TMCO5A: variants seen among roughly 807,000 people sequenced by gnomAD.
TMCO5A encodes transmembrane and coiled-coil domains 5A, also known as transmembrane and coiled-coil domain-containing protein 5A.
TMCO5A carries 34 observed loss-of-function variants against 42.3 expected under a neutral mutation model. That is an observed-to-expected ratio of 0.80 (90% CI 0.61 to 1.07). The LOEUF is 1.07. Among genes scored for constraint, TMCO5A ranks in the 50% least tolerant of loss-of-function variants. TMCO5A has a pLI of 0.00. For missense variants in TMCO5A, 357 were observed against 327.9 expected, an observed-to-expected ratio of 1.09 and a Z score of -0.69; for synonymous variants, 131 against 115.6, an observed-to-expected ratio of 1.13 and a Z score of -0.86.
At chr15:37,937,449 A>C (rs1431603159) in intron 5 of TMCO5A, 53 bp downstream of exon 5, 1 of 1,593,902 alleles carries the variant, frequency 6.3e-7, no homozygotes, top group Non-Finnish European at 8.6e-7. Context: ...CCCATTCATC[A>C]AAGGGGCAAG....
chr15:38,028,487 C>G, the TMCO5A span, among the ~76,000 whole-genome samples: 13 of 152,280 alleles, frequency 8.5e-5, no homozygotes, highest in African/African-American at 3.1e-4. Context: ...GTGACTGTCA[C>G]AGTTGGTGCT....
rs1236481357 is a variant in TMCO5A at position 37,947,802 on chromosome 15, G to GCACACATA, written c.668+113_668+120dup. 3 of 697,484 alleles carry GCACACATA rather than the reference G, an allele frequency of 4.3e-6. No homozygotes were observed. In the East Asian group the frequency reaches 7.8e-5, roughly 18 times the overall value. The allele number at this position is 697,484 out of a possible 1,614,324, so 43.2% of individuals were successfully genotyped here. On this transcript the variant is annotated intron_variant, in intron 11 of 11. Transcript: ENST00000319669. ...CAAGGAGAGCCTTGTATATGCGTGT[G>GCACACATA]CACACATACACACACACACACAAGT...
the TMCO5A span, chr15:38,020,310 C>T: frequency 6.6e-6 from 1 of 151,986 alleles, no homozygotes. Flanking sequence ...AAGGGAAAAA[C>T]TGTGAGGTAA....
the TMCO5A span, among the ~76,000 whole-genome samples, chr15:37,987,516 AT>A: frequency 6.6e-6 from 1 of 151,960 alleles, no homozygotes; most frequent in African/African-American, 2.4e-5. Context: ...TAGGCTTTTG[AT>A]CCATTTTGAG....
the TMCO5A span, among the ~76,000 whole-genome samples, chr15:38,039,105 G>GA: frequency 2.7e-4 from 41 of 152,180 alleles, 1 homozygote; most frequent in South Asian, 6.2e-3. Context: ...GAGGCAGGTG[G>GA]AAAAAATGCA....
the TMCO5A span, among the ~76,000 whole-genome samples, chr15:38,017,297 G>C: frequency 6.6e-6 from 1 of 152,078 alleles, no homozygotes; most frequent in Admixed American, 6.6e-5. Context: ...ATGGAGGAGT[G>C]CATAGTTTGG....
Position 37,942,171 on chromosome 15 carries a change from T to A in TMCO5A, c.505-20T>A, listed in dbSNP as rs74007017. On this transcript the variant is annotated intron_variant, in intron 8 of 11. Coordinates refer to ENST00000319669, the MANE Select transcript of TMCO5A (RefSeq NM_152453.4). Reference sequence around the variant, plus strand: ...AACCTTCTAAGTAGTAACTGTGGCTTTCTTTGTTTCTCTTTGAAGAAGTAC... The same window carrying A: ...AACCTTCTAAGTAGTAACTGTGGCTATCTTTGTTTCTCTTTGAAGAAGTAC... 13 of 1,610,506 alleles carry A rather than the reference T, an allele frequency of 8.1e-6. No individual in the cohort carries two copies. In the African/African-American group the frequency reaches 1.7e-4, roughly 22 times the overall value.
exon 12 of TMCO5A, chr15:37,966,740 A>G (rs1278465708): frequency 2.8e-6 from 2 of 702,230 alleles, no homozygotes; most frequent in Non-Finnish European, 5.2e-6. Context: ...AGTAAAGTCC[A>G]GAAAAGGTCA....
chr15:38,015,483 A>G, the TMCO5A span, among the ~76,000 whole-genome samples: 7 of 152,198 alleles, frequency 4.6e-5, no homozygotes, highest in African/African-American at 1.7e-4. Flanking sequence ...ATTCTGGAAT[A>G]TGCTTTGGCA....
chr15:38,002,927 TC>T, the TMCO5A span, among the ~76,000 whole-genome samples: 2 of 152,140 alleles, frequency 1.3e-5, no homozygotes, highest in African/African-American at 4.8e-5. Context: ...TTTGTGGGTG[TC>T]TGGATGTTGA....
chr15:37,992,144 A>G, the TMCO5A span, among the ~76,000 whole-genome samples: 1 of 152,180 alleles, frequency 6.6e-6, no homozygotes, highest in Non-Finnish European at 1.5e-5. Context: ...GAACTTAGAC[A>G]AATTTACAAG....
downstream of TMCO5A, among the ~76,000 whole-genome samples, chr15:37,968,666 T>C (rs1890614170): frequency 6.6e-6 from 1 of 151,530 alleles, no homozygotes; most frequent in Non-Finnish European, 1.5e-5. Context: ...CACTGCAACT[T>C]CCACCGCCCA....
intron 10 of TMCO5A, among the ~76,000 whole-genome samples, chr15:37,945,481 T>C (rs1889913449): frequency 6.6e-6 from 1 of 152,116 alleles, no homozygotes; most frequent in African/African-American, 2.4e-5. Flanking sequence ...AACGAATTTA[T>C]ACTCCCAGCA....
At chr15:37,993,974 G>A in the TMCO5A span, among the ~76,000 whole-genome samples, 1 of 152,224 alleles carries the variant, frequency 6.6e-6, no homozygotes, top group African/African-American at 2.4e-5. Flanking sequence ...TGCAGTTGTT[G>A]TCTAGGTAGG....
intron 6 of TMCO5A, among the ~76,000 whole-genome samples, chr15:37,939,322 T>C (rs1194976588): frequency 6.6e-6 from 1 of 152,110 alleles, no homozygotes; most frequent in Non-Finnish European, 1.5e-5. Flanking sequence ...AAATAGGAAG[T>C]CTAAAGCCAC....
intron 11 of TMCO5A, 32 bp from the exon 12 acceptor site, chr15:37,951,004 T>C: frequency 1.9e-6 from 3 of 1,591,396 alleles, no homozygotes; most frequent in Non-Finnish European, 2.6e-6. Context: ...TCTAAGCTTC[T>C]GGTTAACAGT....
downstream of TMCO5A, among the ~76,000 whole-genome samples, chr15:37,955,693 G>T (rs1051792594): frequency 6.6e-5 from 10 of 152,114 alleles, no homozygotes; most frequent in Non-Finnish European, 1.5e-4. Flanking sequence ...CAACAAGGCA[G>T]AAAATTAACA....
chr15:37,938,022 A>G (rs1889586465), intron 5 of TMCO5A, 136 bp from the exon 6 acceptor site: 3 of 721,474 alleles, frequency 4.2e-6, no homozygotes, highest in South Asian at 3.3e-5. Flanking sequence ...ATGTTTCCAC[A>G]GGTCACCAAA....
At chr15:37,995,363 A>T in the TMCO5A span, among the ~76,000 whole-genome samples, 1 of 152,252 alleles carries the variant, frequency 6.6e-6, no homozygotes, top group Non-Finnish European at 1.5e-5. Flanking sequence ...AAATAATCAG[A>T]GAAACCCCAC....
Sources: gnomAD v4.1 joint callset for allele counts (sites outside exome capture counted in the v4.1 genomes callset) on GRCh38, gnomAD v4.1.1 for gene constraint, MANE v1.5 for transcripts, NCBI Gene and HGNC (gene_info 2026-07-23, HGNC 2026-07-21) for gene names.